DMD: variants seen among roughly 807,000 people sequenced by gnomAD.
The protein encoded by DMD is mutant dystrophin.
Under a neutral mutation model 330.1 loss-of-function variants are expected in DMD, and 63 were observed. That is an observed-to-expected ratio of 0.19 (90% confidence interval 0.16 to 0.24). The LOEUF (loss-of-function observed/expected upper bound fraction) is 0.24. Ranked by LOEUF, DMD falls within the 10% of genes least tolerant of loss-of-function variation. The pLI is 1.00. For synonymous variants in DMD, 1,223 were observed against 959.8 expected (o/e 1.27, Z -5.07); for missense variants, 3,344 against 2,684.1 (o/e 1.25, Z -5.43).
chrX:33,072,439 G>A (rs990211832), intron 1 of DMD, among the ~76,000 whole-genome samples: 11 of 111,566 alleles, frequency 9.9e-5, no homozygotes, highest in Non-Finnish European at 1.9e-4. Flanking sequence ...AACAAACAAC[G>A]ACAAAAAAAT....
At chrX:33,056,472 T>G (rs758182655) in intron 1 of DMD, among the ~76,000 whole-genome samples, 96 of 110,736 alleles carry the variant, frequency 8.7e-4, no homozygotes, top group African/African-American at 3.1e-3. Flanking sequence ...GCGATTCTCC[T>G]GCCTCAGCCT....
intron 55 of DMD, among the ~76,000 whole-genome samples, chrX:31,531,941 A>C (rs1191477769): frequency 2.4e-5 from 2 of 84,710 alleles, no homozygotes; most frequent in Admixed American, 3.0e-4. Context: ...GAGAAAAAAG[A>C]ATAAAAAGAA....
intron 2 of DMD, among the ~76,000 whole-genome samples, chrX:32,959,043 T>C (rs915681118): frequency 8.9e-5 from 10 of 112,096 alleles, no homozygotes; most frequent in Non-Finnish European, 1.9e-4. Flanking sequence ...TAATAAGTTA[T>C]TACAAATATG....
intron 4 of DMD, among the ~76,000 whole-genome samples, chrX:32,827,214 G>A (rs2078788869): frequency 2.7e-5 from 3 of 110,138 alleles, no homozygotes; most frequent in Admixed American, 9.8e-5. Flanking sequence ...GAAAAAGGAA[G>A]TAACATTGTG....
chrX:33,339,230 T>C, intron 1 of DMD: 1 of 1,026,457 alleles, frequency 9.7e-7, no homozygotes, highest in Non-Finnish European at 1.3e-6. Context: ...ATTGTATTTG[T>C]AATGATGTAA....
At chrX:31,374,882 G>C (rs66653182) in intron 60 of DMD, among the ~76,000 whole-genome samples, 2 of 111,003 alleles carry the variant, frequency 1.8e-5, no homozygotes, top group Admixed American at 9.5e-5. Flanking sequence ...AGTAGACACC[G>C]TGGCGCTCCA....
In DMD at chrX:32,614,187, G is replaced by T; in HGVS notation, c.1482+116C>A. On this transcript the variant is annotated intron_variant, in intron 12 of 78. Transcript: ENST00000357033. ...AGGTAAAAATAATTTTTAAAATATG[G>T]CTGACTTTAAGTTTTAATTCTCTCC... The T allele has an allele frequency of 3.8e-6, 3 of 779,356 alleles. No homozygotes were observed. The East Asian group carries it at 1.0e-4, about 26-fold the overall frequency. 64.2% of individuals were successfully genotyped at this position (779,356 alleles called of 1,213,427 possible).
chrX:31,728,327 G>C (rs1280656473), intron 52 of DMD, among the ~76,000 whole-genome samples: 1 of 111,924 alleles, frequency 8.9e-6, no homozygotes, highest in African/African-American at 3.3e-5. Flanking sequence ...GCCCGGCCGA[G>C]TAACTGTTCT....
chrX:32,165,282 A>G (rs1351101692), intron 44 of DMD, among the ~76,000 whole-genome samples: 1 of 112,382 alleles, frequency 8.9e-6, no homozygotes, highest in Non-Finnish European at 1.9e-5. Flanking sequence ...GAGGGGCTCT[A>G]CCCTGCAAAC....
Position 31,344,037 on chromosome X carries a change from C to CGG in DMD, c.9163+4517_9163+4518dup, listed in dbSNP as rs58479792. On this transcript the variant is annotated intron_variant, in intron 61 of 78. Transcript: ENST00000357033. Reference sequence around the variant, plus strand: ...TTGCTCTGTCACACAGATTGGAGTGCGGGGGGGGGTGGATTATGGATCACT... The same window carrying CGG: ...TTGCTCTGTCACACAGATTGGAGTGCGGGGGGGGGGGTGGATTATGGATCACT... Among the ~76,000 whole-genome samples the CGG allele has an allele frequency of 5.1e-3, 423 of 83,178 alleles. 7 individuals carry two copies. Among genetic ancestry groups the CGG allele is most frequent in the Middle Eastern group, 0.019 (3 of 158 alleles). The allele number at this position is 83,178 out of a possible 115,157, so 72.2% of individuals were successfully genotyped here.
chrX:32,566,251 TC>T (rs2051698646), intron 15 of DMD, among the ~76,000 whole-genome samples: 1 of 111,888 alleles, frequency 8.9e-6, no homozygotes, highest in African/African-American at 3.3e-5. Context: ...TCCCCTTAAT[TC>T]CTGACGGAAT....
intron 44 of DMD, among the ~76,000 whole-genome samples, chrX:32,203,687 G>A (rs780867170): frequency 1.8e-5 from 2 of 111,706 alleles, no homozygotes; most frequent in South Asian, 3.7e-4. Flanking sequence ...TTTGACAGCC[G>A]CTTGCTAAAT....
intron 16 of DMD, among the ~76,000 whole-genome samples, chrX:32,553,031 A>G (rs1457937540): frequency 1.8e-5 from 2 of 112,171 alleles, no homozygotes; most frequent in Middle Eastern, 4.6e-3. Context: ...AACGAAAACC[A>G]GAATTACCAT....
At chrX:33,129,506 AT>A (rs2095486127) in intron 1 of DMD, among the ~76,000 whole-genome samples, 1 of 64,866 alleles carries the variant, frequency 1.5e-5, no homozygotes, top group Admixed American at 2.1e-4. Flanking sequence ...GTAAGCCACA[AT>A]TTTACAAGGT....
At chrX:32,180,549 C>A (rs1289249718) in intron 44 of DMD, among the ~76,000 whole-genome samples, 2 of 111,451 alleles carry the variant, frequency 1.8e-5, no homozygotes, top group Non-Finnish European at 3.8e-5. Flanking sequence ...GAAGAAGGAG[C>A]TCTGGATCCG....
intron 2 of DMD, among the ~76,000 whole-genome samples, chrX:33,010,804 C>A (rs909654472): frequency 2.7e-5 from 3 of 110,749 alleles, no homozygotes; most frequent in African/African-American, 9.8e-5. Context: ...ACATTCTCTA[C>A]TACAGACCTG....
chrX:32,041,456 C>A (rs184026845), intron 44 of DMD, among the ~76,000 whole-genome samples: 24 of 112,223 alleles, frequency 2.1e-4, no homozygotes, highest in African/African-American at 6.5e-4. Flanking sequence ...TATCATCAGC[C>A]ACAGTATTCC....
At chrX:32,190,567 T>TATATATAC (rs1228053887) in intron 44 of DMD, among the ~76,000 whole-genome samples, 1 of 95,265 alleles carries the variant, frequency 1.0e-5, no homozygotes, top group East Asian at 3.2e-4. Flanking sequence ...TATATATATA[T>TATATATAC]ATATATATAT....
At chrX:32,793,149 T>C (rs1292765096) in intron 7 of DMD, among the ~76,000 whole-genome samples, 1 of 112,083 alleles carries the variant, frequency 8.9e-6, no homozygotes, top group African/African-American at 3.2e-5. Flanking sequence ...CTTTGGAACC[T>C]GTACAAAAAC....
Sources: allele counts gnomAD v4.1 joint callset (sites outside exome capture counted in the v4.1 genomes callset), GRCh38; gene constraint gnomAD v4.1.1; transcripts MANE v1.5; gene names NCBI Gene and HGNC (gene_info 2026-07-23, HGNC 2026-07-21).